Variants in SUGCT observed in about 807,000 individuals in gnomAD.
SUGCT encodes succinyl-CoA:glutarate CoA-transferase.
A neutral mutation model predicts 55.0 loss-of-function variants in SUGCT; 41 were observed. That is an observed-to-expected ratio of 0.74 (90% CI 0.58 to 0.97). SUGCT has a LOEUF of 0.97. Among genes scored for constraint, SUGCT ranks in the 50% least tolerant of loss-of-function variants. The pLI, the probability that SUGCT is intolerant of heterozygous loss-of-function variation, is 0.00. For synonymous variants in SUGCT, 187 were observed against 200.4 expected, an observed-to-expected ratio of 0.93 and a Z score of 0.56; for missense variants, 568 against 547.8, an observed-to-expected ratio of 1.04 and a Z score of -0.37.
intron 11 of SUGCT, among the ~76,000 whole-genome samples, chr7:40,486,986 T>A (rs1024109068): frequency 1.3e-5 from 2 of 151,950 alleles, no homozygotes; most frequent in African/African-American, 2.4e-5. Context: ...TGTTGTTTTA[T>A]TTCCATTTGT....
At chr7:40,632,813 C>T (rs1397629010) in intron 12 of SUGCT, among the ~76,000 whole-genome samples, 2 of 152,102 alleles carry the variant, frequency 1.3e-5, no homozygotes, top group Non-Finnish European at 2.9e-5. Flanking sequence ...GACTAGTATA[C>T]AAGTTCACTT....
At chr7:40,494,692 T>A (rs1239126618) in intron 11 of SUGCT, among the ~76,000 whole-genome samples, 1 of 152,196 alleles carries the variant, frequency 6.6e-6, no homozygotes, top group Non-Finnish European at 1.5e-5. Flanking sequence ...TGGATAGGAT[T>A]GATTAGACTC....
At chr7:40,570,000 A>G (rs534678549) in intron 12 of SUGCT, among the ~76,000 whole-genome samples, 1 of 152,352 alleles carries the variant, frequency 6.6e-6, no homozygotes, top group Admixed American at 6.5e-5. Context: ...GGAAGGCTGC[A>G]TTAGCCACAT....
At chr7:40,222,179 C>A (rs770760525) in intron 6 of SUGCT, among the ~76,000 whole-genome samples, 3 of 152,220 alleles carry the variant, frequency 2.0e-5, no homozygotes, top group Non-Finnish European at 4.4e-5. Flanking sequence ...CAGATAGATT[C>A]ATCAGTGTAA....
intron 12 of SUGCT, among the ~76,000 whole-genome samples, chr7:40,557,530 T>C (rs1324433302): frequency 6.6e-6 from 1 of 152,176 alleles, no homozygotes; most frequent in Non-Finnish European, 1.5e-5. Flanking sequence ...CCCAGCACTT[T>C]GGTATGCCGA....
At chr7:40,578,924 T>A (rs1026772475) in intron 12 of SUGCT, among the ~76,000 whole-genome samples, 1 of 152,244 alleles carries the variant, frequency 6.6e-6, no homozygotes, top group African/African-American at 2.4e-5. Context: ...GAGCTTTGTC[T>A]TATTTATCAC....
chr7:40,263,481 A>C (rs1791362088), intron 7 of SUGCT, among the ~76,000 whole-genome samples: 1 of 152,168 alleles, frequency 6.6e-6, no homozygotes, highest in South Asian at 2.1e-4. Context: ...TTTTTGGATA[A>C]ATTGATTTGG....
At chr7:40,650,509 A>G (rs1186367730) in intron 12 of SUGCT, among the ~76,000 whole-genome samples, 1 of 152,120 alleles carries the variant, frequency 6.6e-6, no homozygotes, top group Non-Finnish European at 1.5e-5. Context: ...TATGTTTTGT[A>G]GGGTGTGTTT....
Position 40,267,022 on chromosome 7 carries a change from A to AG in SUGCT, c.577-7491_577-7490insG, listed in dbSNP as rs2150977900. On this transcript the variant is annotated intron_variant, in intron 7 of 13. Coordinates refer to ENST00000335693, the MANE Select transcript of SUGCT (RefSeq NM_001193313.2). ...CAGAGCAAGACTCCATCTAAAAAAA[A>AG]CAAAAACAAACAAACAAAAAAAAAA... 7.5e-5 allele frequency among the ~76,000 whole-genome samples: 3 copies of AG among 39,972 alleles called. No homozygotes were observed. The East Asian group carries it at 2.6e-3, about 35-fold the overall frequency. The allele number at this position is 39,972 out of a possible 152,430, so 26.2% of individuals were successfully genotyped here. A position where few individuals can be genotyped will look rare whatever the true frequency, so the allele number is the denominator to read the frequency against.
the SUGCT span, among the ~76,000 whole-genome samples, chr7:40,898,413 C>CT: frequency 7.3e-6 from 1 of 136,354 alleles, no homozygotes; most frequent in South Asian, 2.2e-4. Flanking sequence ...GACACATCAT[C>CT]TTTAAGAACT....
chr7:40,587,379 T>C (rs1797438906), intron 12 of SUGCT, among the ~76,000 whole-genome samples: 1 of 152,262 alleles, frequency 6.6e-6, no homozygotes, highest in South Asian at 2.1e-4. Flanking sequence ...TAAGTTATTG[T>C]AACCAGGCTA....
chr7:40,833,035 G>A (rs1268770409), intron 13 of SUGCT, among the ~76,000 whole-genome samples: 2 of 151,720 alleles, frequency 1.3e-5, no homozygotes, highest in Non-Finnish European at 2.9e-5. Flanking sequence ...CCTCTGCTCG[G>A]GCCATCATCC....
At chr7:40,715,056 G>C (rs1562960620) in intron 12 of SUGCT, among the ~76,000 whole-genome samples, 2 of 151,866 alleles carry the variant, frequency 1.3e-5, no homozygotes, top group Non-Finnish European at 2.9e-5. Context: ...CAGGAGTTAA[G>C]GTTGTGTATG....
chr7:40,403,161 TA>T (rs1403404664), intron 9 of SUGCT, among the ~76,000 whole-genome samples: 1 of 152,196 alleles, frequency 6.6e-6, no homozygotes, highest in African/African-American at 2.4e-5. Flanking sequence ...AACTATATGT[TA>T]AACACATTTT....
intron 13 of SUGCT, among the ~76,000 whole-genome samples, chr7:40,859,879 ACACAG>A (rs1337907188): frequency 6.6e-6 from 1 of 152,210 alleles, no homozygotes; most frequent in Non-Finnish European, 1.5e-5. Flanking sequence ...CCTTGGAACT[ACACAG>A]TAGACATTGA....
the SUGCT span, among the ~76,000 whole-genome samples, chr7:41,000,657 G>A: frequency 6.6e-6 from 1 of 152,140 alleles, no homozygotes; most frequent in South Asian, 2.1e-4. Context: ...TTTAAAGGAG[G>A]GTAGTGGTGT....
At chr7:40,747,049 G>A (rs1787766091) in intron 12 of SUGCT, among the ~76,000 whole-genome samples, 1 of 152,146 alleles carries the variant, frequency 6.6e-6, no homozygotes, top group Non-Finnish European at 1.5e-5. Flanking sequence ...CCCCACATAG[G>A]AGGAAGCTGT....
At chr7:40,341,686 T>C (rs920698495) in intron 9 of SUGCT, among the ~76,000 whole-genome samples, 13 of 152,114 alleles carry the variant, frequency 8.5e-5, no homozygotes, top group Non-Finnish European at 1.9e-4. Context: ...GCTACCTATT[T>C]AGGGAAAAAG....
rs1563055146 is a variant in SUGCT, at chr7:40,860,345, A to G, written c.1183A>G (p.Met395Val). ...GPAVRYSKFK[M>V]SEARPPPLLG... Reference sequence around the variant, plus strand: ...AGCTGTGAGATACAGTAAGTTCAAGATGTCAGAGGCCAGGCCGCCCCCGCT... The same window carrying G: ...AGCTGTGAGATACAGTAAGTTCAAGGTGTCAGAGGCCAGGCCGCCCCCGCT... Residue 395 changes from methionine (M) to valine (V), a missense_variant, in exon 14 of 14, where the codon ATG (methionine) becomes GTG (valine). Met to Val is a conservative substitution (Grantham distance 21). Transcript: ENST00000335693. 2.5e-6 allele frequency: 4 copies of G among 1,613,958 alleles called. No homozygotes were observed. Among genetic ancestry groups the G allele is most frequent in the Non-Finnish European group, 3.4e-6 (4 of 1,179,854 alleles).
Sources: gnomAD v4.1 joint callset for allele counts (sites outside exome capture counted in the v4.1 genomes callset) on GRCh38, gnomAD v4.1.1 for gene constraint, MANE v1.5 for transcripts, NCBI Gene and HGNC (gene_info 2026-07-23, HGNC 2026-07-21) for gene names.